HDGFL3: variants seen among roughly 807,000 people sequenced by gnomAD.
HDGFL3 encodes HDGF like 3.
Under a neutral mutation model 27.6 loss-of-function variants are expected in HDGFL3, and 6 were observed. The observed-to-expected ratio is 0.22, with a 90% CI of 0.12 to 0.43. The LOEUF (loss-of-function observed/expected upper bound fraction) is 0.43. Among genes scored for constraint, HDGFL3 ranks in the 20% least tolerant of loss-of-function variants. HDGFL3 has a pLI of 1.00. For missense variants in HDGFL3, 207 were observed against 250.1 expected (o/e 0.83, Z 1.16); for synonymous variants, 88 against 88.9 (o/e 0.99, Z 0.05).
intron 1 of HDGFL3, among the ~76,000 whole-genome samples, chr15:83,182,479 C>A (rs537646591): frequency 6.6e-6 from 1 of 152,106 alleles, no homozygotes; most frequent in Non-Finnish European, 1.5e-5. Context: ...TACAAGGGAA[C>A]ACTACTAATA....
downstream of HDGFL3, chr15:83,127,301 A>G (rs1433211129): frequency 4.0e-6 from 6 of 1,484,834 alleles, no homozygotes; most frequent in African/African-American, 1.5e-5. Context: ...TGTACTTTTT[A>G]GTCAGGCCAA....
At chr15:83,195,825 ACTTATAT>A (rs1282571560) in intron 1 of HDGFL3, among the ~76,000 whole-genome samples, 4 of 152,114 alleles carry the variant, frequency 2.6e-5, no homozygotes, top group Non-Finnish European at 5.9e-5. Flanking sequence ...AGTTACATAT[ACTTATAT>A]CTTAAAACAA....
Position 83,136,529 on chromosome 15 carries a change from G to T in HDGFL3, c.*2741C>A, listed in dbSNP as rs2036624088. 1 of 1,611,818 alleles carries T rather than the reference G, an allele frequency of 6.2e-7. No homozygotes were observed. The highest frequency in any genetic ancestry group is 2.2e-5 in the East Asian group (1 of 44,852). On this transcript the variant is annotated 3_prime_UTR_variant, in exon 6 of 6. Coordinates refer to ENST00000299633, the MANE Select transcript of HDGFL3 (RefSeq NM_016073.4). Reference sequence around the variant, plus strand: ...ATCTCTTCATGCTAGAACTGCTTATGTCTACAGAGTCCCTGAAGAAGCAAA... The same window carrying T: ...ATCTCTTCATGCTAGAACTGCTTATTTCTACAGAGTCCCTGAAGAAGCAAA...
At chr15:83,195,826 C>T (rs973187417) in intron 1 of HDGFL3, among the ~76,000 whole-genome samples, 1 of 151,932 alleles carries the variant, frequency 6.6e-6, no homozygotes, top group Non-Finnish European at 1.5e-5. Context: ...GTTACATATA[C>T]TTATATCTTA....
chr15:83,188,636 A>G (rs1269763581), intron 1 of HDGFL3, among the ~76,000 whole-genome samples: 1 of 152,098 alleles, frequency 6.6e-6, no homozygotes, highest in Non-Finnish European at 1.5e-5. Context: ...TTCTTCTCGG[A>G]TTCCAGGATG....
intron 2 of HDGFL3, among the ~76,000 whole-genome samples, chr15:83,158,994 A>G (rs924986941): frequency 1.3e-5 from 2 of 152,044 alleles, no homozygotes; most frequent in Non-Finnish European, 1.5e-5. Flanking sequence ...GGCATGCTCC[A>G]TCACATCTGA....
At chr15:83,121,818 T>C (rs1356679487) in intron 3 of HDGFL3, 5 of 830,294 alleles carry the variant, frequency 6.0e-6, no homozygotes, top group Non-Finnish European at 7.9e-6. Context: ...TTGATTGATG[T>C]ACTTTACTAG....
At chr15:83,147,263 T>C (rs184517741) in intron 5 of HDGFL3, among the ~76,000 whole-genome samples, 84 of 152,192 alleles carry the variant, frequency 5.5e-4, no homozygotes, top group African/African-American at 2.0e-3. Flanking sequence ...ATTTTCACCA[T>C]GTTGGCCAGG....
chr15:83,188,287 T>C (rs2037470440), intron 1 of HDGFL3, among the ~76,000 whole-genome samples: 2 of 152,208 alleles, frequency 1.3e-5, no homozygotes, highest in Non-Finnish European at 2.9e-5. Flanking sequence ...AGGGTTTCAC[T>C]CTGTCGCCCA....
intron 3 of HDGFL3, among the ~76,000 whole-genome samples, chr15:83,118,912 G>A (rs2034954589): frequency 2.0e-5 from 3 of 152,110 alleles, no homozygotes; most frequent in African/African-American, 7.2e-5. Flanking sequence ...ATTTGCCCAG[G>A]AGAAGTATGG....
rs1188128748 is a variant in HDGFL3 at position 83,135,941 on chromosome 15, G to T, written c.*3329C>A. ...TAAACAAAAAACACATAGGGAAAGGGTATGAGCTCTTGCTGCAAGGAGTAG... is the reference window on the plus strand; with the variant it reads ...TAAACAAAAAACACATAGGGAAAGGTTATGAGCTCTTGCTGCAAGGAGTAG... On this transcript the variant is annotated 3_prime_UTR_variant, in exon 6 of 6. Transcript: ENST00000299633. The T allele has an allele frequency of 1.3e-5, 2 of 152,164 alleles. No homozygotes were observed. Among genetic ancestry groups the T allele is most frequent in the African/African-American group, 4.8e-5 (2 of 41,416 alleles). The allele number at this position is 152,164 out of a possible 1,614,324, so 9.4% of individuals were successfully genotyped here.
chr15:83,138,860 C>T lies in HDGFL3; in HGVS notation c.*410G>A, dbSNP rs2036709675. ...GGGTTCTGTCACAGAGAGGAAATTCCATTCTTAAGCATTATGTTGAGTGGT... is the reference window on the plus strand; with the variant it reads ...GGGTTCTGTCACAGAGAGGAAATTCTATTCTTAAGCATTATGTTGAGTGGT... On this transcript the variant is annotated 3_prime_UTR_variant, in exon 6 of 6. Transcript: ENST00000299633. The T allele has an allele frequency of 6.5e-6, 1 of 154,450 alleles. No individual in the cohort carries two copies. The highest frequency in any genetic ancestry group is 2.4e-5 in the African/African-American group (1 of 41,528). 9.6% of individuals were successfully genotyped at this position (154,450 alleles called of 1,614,324 possible). A position where few individuals can be genotyped will look rare whatever the true frequency, so the allele number is the denominator to read the frequency against.
intron 1 of HDGFL3, among the ~76,000 whole-genome samples, chr15:83,190,386 T>C (rs1045943167): frequency 2.0e-5 from 3 of 152,146 alleles, no homozygotes; most frequent in Non-Finnish European, 4.4e-5. Flanking sequence ...TAAAGTGAAA[T>C]TGTTTTCCAA....
intron 3 of HDGFL3, among the ~76,000 whole-genome samples, chr15:83,118,049 G>T (rs145558624): frequency 6.6e-6 from 1 of 152,306 alleles, no homozygotes; most frequent in East Asian, 1.9e-4. Context: ...TTGGTAAGCC[G>T]AATGGTTTCA....
downstream of HDGFL3, among the ~76,000 whole-genome samples, chr15:83,123,734 TAGTC>T (rs2035477581): frequency 6.6e-6 from 1 of 152,158 alleles, no homozygotes; most frequent in South Asian, 2.1e-4. Context: ...AAAAAGCAAA[TAGTC>T]AGTCCACCCT....
At chr15:83,200,283 G>T (rs979681759) in intron 1 of HDGFL3, among the ~76,000 whole-genome samples, 1 of 150,640 alleles carries the variant, frequency 6.6e-6, no homozygotes, top group African/African-American at 2.4e-5. Context: ...TGCAGTGAGC[G>T]GAGATCCCGC....
At chr15:83,167,914 C>T (rs2037193436) in intron 1 of HDGFL3, among the ~76,000 whole-genome samples, 1 of 152,096 alleles carries the variant, frequency 6.6e-6, no homozygotes, top group African/African-American at 2.4e-5. Context: ...TAAAGCAAGT[C>T]TCAATAAACT....
intron 1 of HDGFL3, among the ~76,000 whole-genome samples, chr15:83,204,368 C>T (rs2037690206): frequency 6.6e-6 from 1 of 151,998 alleles, no homozygotes; most frequent in African/African-American, 2.4e-5. Flanking sequence ...AAAGTATTAA[C>T]CACTAGGTTA....
At chr15:83,154,784 T>C (rs188425730) in intron 4 of HDGFL3, among the ~76,000 whole-genome samples, 5 of 152,342 alleles carry the variant, frequency 3.3e-5, no homozygotes, top group African/African-American at 1.2e-4. Context: ...TCTTTATAAG[T>C]CTTCCATGTA....
Sources: gnomAD v4.1 joint callset for allele counts (sites outside exome capture counted in the v4.1 genomes callset) on GRCh38, gnomAD v4.1.1 for gene constraint, MANE v1.5 for transcripts, NCBI Gene and HGNC (gene_info 2026-07-23, HGNC 2026-07-21) for gene names.